Variants in TRIP4 observed in about 807,000 individuals in gnomAD.
The protein encoded by TRIP4 is thyroid hormone receptor interactor 4.
In TRIP4, 54 loss-of-function variants were observed where a neutral mutation model predicts 81.8. The ratio of observed to expected loss-of-function variants is 0.66; its 90% CI spans 0.53 to 0.83. TRIP4 has a LOEUF of 0.83. Among genes scored for constraint, TRIP4 ranks in the 40% least tolerant of loss-of-function variants. The probability of loss-of-function intolerance (pLI) is 0.00; values close to 1 mark genes in which losing one functional copy is unlikely to be tolerated. For missense variants in TRIP4, 662 were observed against 683.6 expected (o/e 0.97, Z 0.35); for synonymous variants, 270 against 242.8 (o/e 1.11, Z -1.04).
intron 11 of TRIP4, among the ~76,000 whole-genome samples, chr15:64,431,959 T>TC (rs1357262145): frequency 7.3e-6 from 1 of 136,796 alleles, no homozygotes; most frequent in Admixed American, 8.2e-5. Context: ...TGATCTTGGC[T>TC]CACTGCAACC....
At chr15:64,424,964 A>G in intron 10 of TRIP4, among the ~76,000 whole-genome samples, 1 of 152,066 alleles carries the variant, frequency 6.6e-6, no homozygotes, top group East Asian at 1.9e-4. Context: ...TTTAGTAGAG[A>G]CAGGGTTTCA....
At chr15:64,395,912 CT>C (rs3057763) in intron 3 of TRIP4, among the ~76,000 whole-genome samples, 204 of 143,716 alleles carry the variant, frequency 1.4e-3, no homozygotes, top group East Asian at 4.7e-3. Context: ...AGCTAATTTT[CT>C]TTTTTTTTTT....
intron 5 of TRIP4, among the ~76,000 whole-genome samples, chr15:64,402,819 C>CCCCTA (rs1891541331): frequency 6.6e-6 from 1 of 152,052 alleles, no homozygotes; most frequent in Non-Finnish European, 1.5e-5. Flanking sequence ...AGCCACCGCA[C>CCCCTA]TTGGTCAGTT....
intron 11 of TRIP4, among the ~76,000 whole-genome samples, chr15:64,427,706 C>CTTATATTATAA (rs2140302712): frequency 6.6e-6 from 1 of 152,290 alleles, no homozygotes; most frequent in African/African-American, 2.4e-5. Context: ...CACTTGTTAT[C>CTTATATTATAA]CCTCTAGATT....
intron 1 of TRIP4, among the ~76,000 whole-genome samples, chr15:64,388,991 C>T (rs558120272): frequency 1.3e-5 from 2 of 152,180 alleles, no homozygotes; most frequent in African/African-American, 2.4e-5. Flanking sequence ...GGTTCCCCTT[C>T]GTTGATGAGT....
chr15:64,440,917 A>G lies in TRIP4; in HGVS notation c.1576-4089A>G, dbSNP rs372455568. Among the ~76,000 whole-genome samples, 14 of 152,318 alleles carry G rather than the reference A, an allele frequency of 9.2e-5. 1 individual carries two copies. In the East Asian group the frequency reaches 1.5e-3, roughly 17 times the overall value. On this transcript the variant is annotated intron_variant, in intron 11 of 12. Transcript: ENST00000261884. The stretch of plus-strand genomic sequence containing the variant: ...TACTTTTACTTAGAGTTATAGTTCT[A>G]AGAGTGTACAATTCCCAGCATGTGT...
At chr15:64,418,462 T>G (rs1891934652) in intron 8 of TRIP4, 79 bp from the exon 9 acceptor site, 3 of 1,389,460 alleles carry the variant, frequency 2.2e-6, no homozygotes, top group Non-Finnish European at 2.9e-6. Flanking sequence ...TCCTCATTAT[T>G]AGCATTCGCA....
At chr15:64,444,364 A>G (rs1305264161) in intron 11 of TRIP4, among the ~76,000 whole-genome samples, 1 of 152,252 alleles carries the variant, frequency 6.6e-6, no homozygotes, top group African/African-American at 2.4e-5. Flanking sequence ...CAAAAAAAGT[A>G]AAAGTCCTAA....
intron 11 of TRIP4, among the ~76,000 whole-genome samples, chr15:64,437,321 G>A (rs754165391): frequency 4.4e-4 from 67 of 151,412 alleles, no homozygotes; most frequent in Non-Finnish European, 8.7e-4. Context: ...AGGAGGCTGA[G>A]GCAGGAGAAT....
At chr15:64,428,415 G>A (rs1383920074) in intron 11 of TRIP4, among the ~76,000 whole-genome samples, 1 of 152,116 alleles carries the variant, frequency 6.6e-6, no homozygotes, top group African/African-American at 2.4e-5. Flanking sequence ...CATTTCCTGA[G>A]GTTGCTTTGA....
intron 12 of TRIP4, among the ~76,000 whole-genome samples, chr15:64,450,511 T>A (rs1473080609): frequency 6.6e-6 from 1 of 152,056 alleles, no homozygotes; most frequent in Non-Finnish European, 1.5e-5. Context: ...TGACTGCTGC[T>A]TTCCACAAGA....
At chr15:64,431,877 C>T (rs1043246853) in intron 11 of TRIP4, among the ~76,000 whole-genome samples, 182 of 52,436 alleles carry the variant, frequency 3.5e-3, no homozygotes, top group Middle Eastern at 0.02. Flanking sequence ...ATTGTGTTTT[C>T]TTTTTTTTTT....
chr15:64,451,511 A>C, intron 12 of TRIP4, among the ~76,000 whole-genome samples: 2 of 102,050 alleles, frequency 2.0e-5, no homozygotes, highest in Admixed American at 1.4e-4. Context: ...TCACTCTGTC[A>C]CCCAGGCTGA....
chr15:64,425,185 TG>T (rs1463649541), intron 10 of TRIP4, among the ~76,000 whole-genome samples: 1 of 152,166 alleles, frequency 6.6e-6, no homozygotes, highest in Non-Finnish European at 1.5e-5. Flanking sequence ...CACCTGTAAC[TG>T]CCTTACTTTG....
intron 4 of TRIP4, among the ~76,000 whole-genome samples, chr15:64,398,336 G>T (rs367637717): frequency 6.6e-6 from 1 of 150,768 alleles, no homozygotes; most frequent in African/African-American, 2.4e-5. Context: ...GGGAAGCCAA[G>T]GTGGGTTTTG....
At chr15:64,401,310 AT>A (rs981654216) in intron 5 of TRIP4, among the ~76,000 whole-genome samples, 4 of 151,860 alleles carry the variant, frequency 2.6e-5, no homozygotes, top group South Asian at 2.1e-4. Context: ...AATGTTTTGT[AT>A]TTTTTAGTAG....
chr15:64,392,020 A>G (rs1900147857), intron 1 of TRIP4, among the ~76,000 whole-genome samples: 1 of 149,850 alleles, frequency 6.7e-6, no homozygotes, highest in African/African-American at 2.5e-5. Context: ...TCAGCCTGTA[A>G]TTCCAGCACT....
chr15:64,417,107 G>T (rs530788605), intron 8 of TRIP4, among the ~76,000 whole-genome samples: 1 of 152,032 alleles, frequency 6.6e-6, no homozygotes, highest in African/African-American at 2.4e-5. Context: ...TCCCAGGCTC[G>T]AGAGATCCTC....
intron 12 of TRIP4, among the ~76,000 whole-genome samples, chr15:64,452,512 T>A (rs934759616): frequency 7.9e-5 from 12 of 152,202 alleles, no homozygotes; most frequent in African/African-American, 2.9e-4. Flanking sequence ...GTTATTTGAT[T>A]AAAGGACTCA....
Sources: allele counts gnomAD v4.1 joint callset (sites outside exome capture counted in the v4.1 genomes callset), GRCh38; gene constraint gnomAD v4.1.1; transcripts MANE v1.5; gene names NCBI Gene and HGNC (gene_info 2026-07-23, HGNC 2026-07-21).